FAT3: variants seen among roughly 807,000 people sequenced by gnomAD.
FAT3 encodes FAT atypical cadherin 3.
In FAT3, 95 loss-of-function variants were observed where a neutral mutation model predicts 310.2. The observed-to-expected ratio is 0.31, with a 90% CI of 0.26 to 0.36. The LOEUF is 0.36. Ranked by LOEUF, FAT3 falls within the 10% of genes least tolerant of loss-of-function variation. The pLI is 1.00. For synonymous variants in FAT3, 2,314 were observed against 2,192.9 expected (o/e 1.06, Z -1.54); for missense variants, 5,408 against 5,715.6 (o/e 0.95, Z 1.74).
At chr11:92,873,286 C>T (rs928256949) in intron 22 of FAT3, among the ~76,000 whole-genome samples, 4 of 152,144 alleles carry the variant, frequency 2.6e-5, no homozygotes, top group African/African-American at 9.7e-5. Context: ...CCCAGTGCCT[C>T]ACCACCACAT....
intron 3 of FAT3, among the ~76,000 whole-genome samples, chr11:92,564,743 C>T (rs546966476): frequency 0.02 from 3,010 of 150,674 alleles, 40 homozygotes; most frequent in Non-Finnish European, 0.027. Flanking sequence ...CACTCAAAAC[C>T]ACTCAACTAC....
At chr11:92,567,789 A>G (rs1274335702) in intron 3 of FAT3, among the ~76,000 whole-genome samples, 1 of 152,060 alleles carries the variant, frequency 6.6e-6, no homozygotes, top group Non-Finnish European at 1.5e-5. Context: ...CGCAAGAGCA[A>G]AAAACCAAGC....
At chr11:92,807,492 G>T (rs911466692) in intron 12 of FAT3, among the ~76,000 whole-genome samples, 1 of 152,158 alleles carries the variant, frequency 6.6e-6, no homozygotes, top group Non-Finnish European at 1.5e-5. Flanking sequence ...CAAGTAAGCG[G>T]ACATCTCTGT....
At chr11:92,585,213 A>G (rs1010333805) in intron 3 of FAT3, among the ~76,000 whole-genome samples, 3 of 152,052 alleles carry the variant, frequency 2.0e-5, no homozygotes, top group African/African-American at 7.2e-5. Flanking sequence ...TTAGGGCTGG[A>G]TATGATAATA....
At chr11:92,303,878 G>A (rs1052504750) in intron 1 of FAT3, among the ~76,000 whole-genome samples, 1 of 152,108 alleles carries the variant, frequency 6.6e-6, no homozygotes, top group Non-Finnish European at 1.5e-5. Context: ...CTATTCAAAT[G>A]TAGTTTAGAG....
chr11:92,687,002 C>A (rs1172325065), intron 3 of FAT3, among the ~76,000 whole-genome samples: 1 of 152,126 alleles, frequency 6.6e-6, no homozygotes, highest in Admixed American at 6.6e-5. Context: ...GAAACTTCAA[C>A]TTTTAGTTTC....
At chr11:92,654,130 G>A (rs758469394) in intron 3 of FAT3, among the ~76,000 whole-genome samples, 4 of 152,098 alleles carry the variant, frequency 2.6e-5, no homozygotes, top group African/African-American at 7.2e-5. Context: ...ATTGTACCCC[G>A]CTGCAGCATT....
At chr11:92,592,057 A>T (rs1565439556) in intron 3 of FAT3, among the ~76,000 whole-genome samples, 1 of 152,176 alleles carries the variant, frequency 6.6e-6, no homozygotes, top group Non-Finnish European at 1.5e-5. Context: ...ATATTGGTTC[A>T]TAGTTGTGAC....
intron 13 of FAT3, among the ~76,000 whole-genome samples, chr11:92,818,707 G>A (rs1007338189): frequency 6.6e-6 from 1 of 152,192 alleles, no homozygotes; most frequent in African/African-American, 2.4e-5. Context: ...TTCCTCTTCT[G>A]TAATGTAAGA....
chr11:92,484,103 AT>A (rs1372837068), intron 2 of FAT3, among the ~76,000 whole-genome samples: 1 of 152,132 alleles, frequency 6.6e-6, no homozygotes. Flanking sequence ...ATCTGCATGA[AT>A]TTTCTAATCC....
At chr11:92,444,542 TATGAG>T (rs1030129914) in intron 2 of FAT3, among the ~76,000 whole-genome samples, 7 of 151,788 alleles carry the variant, frequency 4.6e-5, no homozygotes, top group African/African-American at 1.7e-4. Flanking sequence ...AAAATTGTGT[TATGAG>T]AAGAAAGAAT....
At chr11:92,856,706 C>T (rs1439574418) in intron 19 of FAT3, among the ~76,000 whole-genome samples, 1 of 152,068 alleles carries the variant, frequency 6.6e-6, no homozygotes, top group Non-Finnish European at 1.5e-5. Context: ...TGTGTTTCAA[C>T]AATTTAAAAT....
chr11:92,597,732 T>C (rs1939784797), intron 3 of FAT3, among the ~76,000 whole-genome samples: 1 of 152,112 alleles, frequency 6.6e-6, no homozygotes, highest in Admixed American at 6.5e-5. Context: ...TAGTCTCGAG[T>C]TTATAACTAA....
intron 4 of FAT3, among the ~76,000 whole-genome samples, chr11:92,699,010 T>G (rs996556480): frequency 6.6e-6 from 1 of 152,206 alleles, no homozygotes. Flanking sequence ...GACGGATCTA[T>G]AGCAGAGCAA....
chr11:92,418,136 A>G (rs1950455477), intron 2 of FAT3, among the ~76,000 whole-genome samples: 1 of 152,044 alleles, frequency 6.6e-6, no homozygotes, highest in South Asian at 2.1e-4. Context: ...TTCTCTTCCA[A>G]CTCTATTCCA....
At chr11:92,590,245 A>C (rs1448748391) in intron 3 of FAT3, among the ~76,000 whole-genome samples, 2 of 152,128 alleles carry the variant, frequency 1.3e-5, no homozygotes, top group Non-Finnish European at 1.5e-5. Context: ...ATTAATTCAA[A>C]ATGAGTAAGT....
chr11:92,365,690 A>T (rs1434679114), intron 2 of FAT3, among the ~76,000 whole-genome samples: 1 of 152,248 alleles, frequency 6.6e-6, no homozygotes, highest in Non-Finnish European at 1.5e-5. Flanking sequence ...TATGATTCAG[A>T]AGTCAGTCAG....
chr11:92,619,672 C>T (rs1250927542), intron 3 of FAT3, among the ~76,000 whole-genome samples: 1 of 151,862 alleles, frequency 6.6e-6, no homozygotes, highest in Admixed American at 6.5e-5. Flanking sequence ...TAATATGTCC[C>T]TATGATCTCT....
At chr11:92,452,044 TAGAC>T (rs1433114530) in intron 2 of FAT3, among the ~76,000 whole-genome samples, 27 of 152,186 alleles carry the variant, frequency 1.8e-4, no homozygotes, top group Admixed American at 2.6e-4. Context: ...GATAGGCAGA[TAGAC>T]AGAGAGAAAG....
Sources: gnomAD v4.1 joint callset for allele counts (sites outside exome capture counted in the v4.1 genomes callset) on GRCh38, gnomAD v4.1.1 for gene constraint, MANE v1.5 for transcripts, NCBI Gene and HGNC (gene_info 2026-07-23, HGNC 2026-07-21) for gene names.